The following POU6F2 variants were observed in gnomAD, a reference collection of about 807,000 sequenced individuals.
POU6F2 encodes the protein POU domain, class 6, transcription factor 2.
POU6F2 carries 31 observed loss-of-function variants against 71.3 expected under a neutral mutation model. The observed-to-expected ratio is 0.43, with a 90% CI of 0.33 to 0.59. The LOEUF is 0.59. POU6F2 is among the 20% of genes least tolerant of loss of function. POU6F2 has a pLI of 0.04. For synonymous variants in POU6F2, 347 were observed against 355.7 expected (o/e 0.98, Z 0.27); for missense variants, 783 against 856.8 (o/e 0.91, Z 1.07).
Position 39,256,993 on chromosome 7 carries a change from C to G in POU6F2, c.598+49373C>G, listed in dbSNP as rs551960238. Among the ~76,000 whole-genome samples the G allele has an allele frequency of 6.4e-4, 97 of 152,262 alleles. 1 individual carries two copies. The highest frequency in any genetic ancestry group is 2.2e-3 in the African/African-American group (91 of 41,540). On this transcript the variant is annotated intron_variant, in intron 4 of 9. Transcript: ENST00000518318. ...ATAGCAGCAAATAGCAAACTAATACCGCATAGGAGTCTATTATTAACTACA... is the reference window on the plus strand; with the variant it reads ...ATAGCAGCAAATAGCAAACTAATACGGCATAGGAGTCTATTATTAACTACA...
In POU6F2 at chr7:39,464,355, TGGCTGA is replaced by T; in HGVS notation, c.1842_1847del (p.Glu615_Ala616del). On this transcript the variant is annotated inframe_deletion, in exon 10 of 10. Coordinates refer to ENST00000518318, the MANE Select transcript of POU6F2 (RefSeq NM_001370959.1). This position sits in a 1 kb window ranked among gnomAD's most constrained non-coding sequence, Gnocchi z 4.1. ...ATCAAGCCGGTGCTTGAGCGGTGGA[TGGCTGA>T]GGCTGAGGCCCGCCATCGAGCAGGT... 1 of 1,614,014 alleles carries T rather than the reference TGGCTGA, an allele frequency of 6.2e-7. No individual in the cohort carries two copies. Among genetic ancestry groups the T allele is most frequent in the Non-Finnish European group, 8.5e-7 (1 of 1,179,894 alleles).
At chr7:39,340,230 C>T (rs936709553) in intron 5 of POU6F2, among the ~76,000 whole-genome samples, 1 of 152,228 alleles carries the variant, frequency 6.6e-6, no homozygotes, top group Non-Finnish European at 1.5e-5. Flanking sequence ...ATTTCTGTTG[C>T]CCTCCAAAGG....
intron 4 of POU6F2, among the ~76,000 whole-genome samples, chr7:39,211,379 T>C (rs1794140435): frequency 6.6e-6 from 1 of 152,148 alleles, no homozygotes; most frequent in African/African-American, 2.4e-5. Flanking sequence ...AGGAATAATG[T>C]GTGGGAACGT....
At chr7:39,005,862 A>G (rs1373977892) in intron 1 of POU6F2, among the ~76,000 whole-genome samples, 1 of 152,164 alleles carries the variant, frequency 6.6e-6, no homozygotes, top group East Asian at 1.9e-4. Flanking sequence ...GGACCTTTTC[A>G]TCATATTGTG....
chr7:39,025,166 A>G (rs962502487), intron 1 of POU6F2, among the ~76,000 whole-genome samples: 1 of 152,198 alleles, frequency 6.6e-6, no homozygotes, highest in African/African-American at 2.4e-5. Context: ...GCTATTGATT[A>G]TTGCTGCAAT....
At chr7:39,008,882 A>G (rs887085377) in intron 1 of POU6F2, among the ~76,000 whole-genome samples, 2 of 149,414 alleles carry the variant, frequency 1.3e-5, no homozygotes, top group Non-Finnish European at 3.0e-5. Context: ...ATTGATCTAT[A>G]TCTCTGTTTT....
intron 2 of POU6F2, among the ~76,000 whole-genome samples, chr7:39,171,174 A>G (rs1407986439): frequency 3.3e-5 from 5 of 152,058 alleles, no homozygotes; most frequent in South Asian, 4.2e-4. Flanking sequence ...TATTTGTCCT[A>G]ATGTTCTCCC....
intron 4 of POU6F2, among the ~76,000 whole-genome samples, chr7:39,260,512 C>T (rs997666556): frequency 2.5e-5 from 1 of 40,742 alleles, no homozygotes. Context: ...TTCACACACA[C>T]CACACCACAT....
At chr7:39,157,658 T>G (rs1458794229) in intron 2 of POU6F2, among the ~76,000 whole-genome samples, 1 of 152,250 alleles carries the variant, frequency 6.6e-6, no homozygotes, top group African/African-American at 2.4e-5. Flanking sequence ...GCCCTTTTGT[T>G]GCATGCAATG....
intron 4 of POU6F2, among the ~76,000 whole-genome samples, chr7:39,265,611 G>A (rs1354109047): frequency 1.3e-5 from 2 of 152,030 alleles, no homozygotes; most frequent in African/African-American, 4.8e-5. Context: ...TATTTCAATC[G>A]GCCATAGTTT....
chr7:39,056,955 G>A (rs1257849778), intron 1 of POU6F2, among the ~76,000 whole-genome samples: 2 of 151,894 alleles, frequency 1.3e-5, no homozygotes, highest in Non-Finnish European at 2.9e-5. Context: ...GGAATCAAAC[G>A]AGATTCAGAA....
chr7:39,202,401 CTT>C (rs1301103031), intron 2 of POU6F2, among the ~76,000 whole-genome samples: 5 of 152,206 alleles, frequency 3.3e-5, no homozygotes, highest in African/African-American at 4.8e-5. Context: ...TAAAAACACT[CTT>C]TTCATAGTCT....
chr7:39,040,118 T>TTA (rs1386044168), intron 1 of POU6F2, among the ~76,000 whole-genome samples: 31 of 89,004 alleles, frequency 3.5e-4, no homozygotes, highest in South Asian at 2.6e-3. Flanking sequence ...TTATATACAT[T>TTA]TATATATATA....
At chr7:39,023,229 T>C (rs1116813) in intron 1 of POU6F2, among the ~76,000 whole-genome samples, 30,949 of 152,100 alleles carry the variant, frequency 0.2, 3,444 homozygotes, top group South Asian at 0.36. Context: ...AAAATATGTA[T>C]ACTAGCCTTT....
chr7:39,198,551 G>A (rs1490934004), intron 2 of POU6F2, among the ~76,000 whole-genome samples: 1 of 152,190 alleles, frequency 6.6e-6, no homozygotes, highest in Non-Finnish European at 1.5e-5. Context: ...GACAGTCTTG[G>A]TTCTCCAGGT....
chr7:39,131,401 G>C (rs900900317), intron 2 of POU6F2, among the ~76,000 whole-genome samples: 1 of 152,212 alleles, frequency 6.6e-6, no homozygotes, highest in African/African-American at 2.4e-5. Context: ...CAAGTAAATT[G>C]ATAAGCTGAG....
At chr7:39,320,786 G>A (rs1050256594) in intron 4 of POU6F2, among the ~76,000 whole-genome samples, 9 of 152,330 alleles carry the variant, frequency 5.9e-5, no homozygotes, top group African/African-American at 2.2e-4. Context: ...CGAGTGCAGT[G>A]GCCCATGCCT....
At chr7:38,992,668 T>C (rs1418519543) in intron 1 of POU6F2, among the ~76,000 whole-genome samples, 1 of 152,064 alleles carries the variant, frequency 6.6e-6, no homozygotes, top group Non-Finnish European at 1.5e-5. Context: ...GTCAATATCA[T>C]TGTCTTCAGG....
At chr7:39,280,233 A>G (rs1784537050) in intron 4 of POU6F2, among the ~76,000 whole-genome samples, 1 of 152,166 alleles carries the variant, frequency 6.6e-6, no homozygotes. Flanking sequence ...AATAAATGCA[A>G]AGTTTTCATA....
Sources: allele counts gnomAD v4.1 joint callset (sites outside exome capture counted in the v4.1 genomes callset), GRCh38; gene constraint gnomAD v4.1.1; non-coding constraint Gnocchi (gnomAD v3.1); transcripts MANE v1.5; gene names NCBI Gene and HGNC (gene_info 2026-07-23, HGNC 2026-07-21).